Variants in SGCZ observed in about 807,000 individuals in gnomAD.
The protein encoded by SGCZ is sarcoglycan zeta.
A neutral mutation model predicts 41.3 loss-of-function variants in SGCZ; 40 were observed. The ratio of observed to expected loss-of-function variants is 0.97; its 90% confidence interval spans 0.75 to 1.26. SGCZ has a LOEUF of 1.26. Ranked by LOEUF, SGCZ falls within the 50% of genes most tolerant of loss-of-function variation. The pLI is 0.00. For missense variants in SGCZ, 552 were observed against 369.8 expected (o/e 1.49, Z -4.04); for synonymous variants, 206 against 137.5 (o/e 1.50, Z -3.49).
chr8:14,105,022 G>A (rs1340474153), intron 6 of SGCZ, among the ~76,000 whole-genome samples: 1 of 152,036 alleles, frequency 6.6e-6, no homozygotes, highest in Non-Finnish European at 1.5e-5. Context: ...TCTTCAAACT[G>A]TAGTAACTTA....
chr8:14,476,214 A>T (rs1801355611), intron 2 of SGCZ, among the ~76,000 whole-genome samples: 1 of 152,138 alleles, frequency 6.6e-6, no homozygotes, highest in South Asian at 2.1e-4. Context: ...TCTGTAGTCA[A>T]GAATCAGGAG....
intron 1 of SGCZ, among the ~76,000 whole-genome samples, chr8:14,619,793 A>T (rs1415102440): frequency 6.6e-6 from 1 of 152,216 alleles, no homozygotes; most frequent in Non-Finnish European, 1.5e-5. Flanking sequence ...ATAAAAGAGG[A>T]CACAAACAAA....
chr8:14,227,336 T>G (rs1806407938), intron 4 of SGCZ, among the ~76,000 whole-genome samples: 1 of 152,222 alleles, frequency 6.6e-6, no homozygotes. Context: ...TTCTAATTCC[T>G]TTGGGAAGGG....
intron 1 of SGCZ, among the ~76,000 whole-genome samples, chr8:14,947,584 A>T (rs1800494118): frequency 1.3e-5 from 2 of 152,282 alleles, no homozygotes; most frequent in South Asian, 2.1e-4. Context: ...TAAAACTTGT[A>T]TACTTCCGTT....
At chr8:14,435,273 TCTC>T (rs1016484456) in intron 2 of SGCZ, among the ~76,000 whole-genome samples, 6 of 152,170 alleles carry the variant, frequency 3.9e-5, no homozygotes, top group Non-Finnish European at 5.9e-5. Context: ...ATGTTCAACA[TCTC>T]CTCACTCCTT....
At chr8:14,321,615 G>A (rs899659528) in intron 3 of SGCZ, among the ~76,000 whole-genome samples, 1 of 152,026 alleles carries the variant, frequency 6.6e-6, no homozygotes. Flanking sequence ...CAACAGCATG[G>A]CATTAATAGA....
At chr8:14,216,475 A>G (rs1805997415) in intron 4 of SGCZ, among the ~76,000 whole-genome samples, 1 of 152,188 alleles carries the variant, frequency 6.6e-6, no homozygotes, top group Admixed American at 6.5e-5. Context: ...CAAACTTCCT[A>G]GAGTCCAACA....
chr8:14,507,797 G>A (rs531998414), intron 2 of SGCZ, among the ~76,000 whole-genome samples: 3 of 146,122 alleles, frequency 2.1e-5, no homozygotes, highest in Admixed American at 6.8e-5. Flanking sequence ...TCGAGATGGA[G>A]TTTCGTTCTT....
rs143826082 is a variant in SGCZ at position 14,362,614 on chromosome 8, G to C, written c.235-38410C>G. 5.6e-3 allele frequency among the ~76,000 whole-genome samples: 843 copies of C among 149,638 alleles called. 7 individuals carry two copies. Among genetic ancestry groups the C allele is most frequent in the African/African-American group, 0.017 (700 of 41,426 alleles). On this transcript the variant is annotated intron_variant, in intron 2 of 7. Coordinates refer to ENST00000382080, the MANE Select transcript of SGCZ (RefSeq NM_139167.4). Reference sequence around the variant, plus strand: ...GTACAGTCTGTCACAGCTTCCCTTGGGTAGGAAAGGGAAATCCCCAGACCC... The same window carrying C: ...GTACAGTCTGTCACAGCTTCCCTTGCGTAGGAAAGGGAAATCCCCAGACCC...
intron 5 of SGCZ, among the ~76,000 whole-genome samples, chr8:14,110,891 T>C (rs568201495): frequency 7.7e-4 from 117 of 152,094 alleles, no homozygotes; most frequent in South Asian, 2.9e-3. Flanking sequence ...CTCTCCTCTC[T>C]ACTAAAAATA....
At chr8:14,929,238 G>A (rs942373570) in intron 1 of SGCZ, among the ~76,000 whole-genome samples, 3 of 152,022 alleles carry the variant, frequency 2.0e-5, no homozygotes, top group Non-Finnish European at 4.4e-5. Flanking sequence ...TGATCCACCC[G>A]CCTCGGCCTC....
chr8:14,651,688 G>C (rs1164363591), intron 1 of SGCZ, among the ~76,000 whole-genome samples: 1 of 151,780 alleles, frequency 6.6e-6, no homozygotes, highest in African/African-American at 2.4e-5. Flanking sequence ...TTCTCTTCTT[G>C]AGACTTAAAA....
chr8:15,117,077 G>A (rs1807295616), intron 1 of SGCZ, among the ~76,000 whole-genome samples: 1 of 152,146 alleles, frequency 6.6e-6, no homozygotes, highest in Non-Finnish European at 1.5e-5. Flanking sequence ...TCACTTATAA[G>A]TATAAATGTA....
intron 2 of SGCZ, among the ~76,000 whole-genome samples, chr8:14,365,973 T>C (rs34067440): frequency 0.19 from 29,494 of 152,122 alleles, 3,594 homozygotes; most frequent in Non-Finnish European, 0.28. Context: ...CCTATTTCTG[T>C]CTTTGTTATT....
rs184548611 is a variant in SGCZ at position 15,141,259 on chromosome 8, G to A, written c.39+96326C>T. On this transcript the variant is annotated intron_variant, in intron 1 of 7. Transcript: ENST00000382080. ...CCAGGGACTGGTGGTAGGGGTTGTG[G>A]ATTCAAACCCACTGCAGTCTGATGA... Among the ~76,000 whole-genome samples the A allele has an allele frequency of 5.5e-3, 831 of 152,270 alleles. 5 individuals are homozygous for A. Among genetic ancestry groups the A allele is most frequent in the Non-Finnish European group, 9.5e-3 (647 of 68,014 alleles).
chr8:14,163,103 TTCTC>T (rs1804096257), intron 5 of SGCZ, among the ~76,000 whole-genome samples: 1 of 152,166 alleles, frequency 6.6e-6, no homozygotes, highest in African/African-American at 2.4e-5. Flanking sequence ...AACCAAGCGA[TTCTC>T]TCACCTCTGT....
chr8:14,559,000 A>G (rs985718051), intron 1 of SGCZ, among the ~76,000 whole-genome samples: 1 of 152,122 alleles, frequency 6.6e-6, no homozygotes, highest in Non-Finnish European at 1.5e-5. Flanking sequence ...AAAGCCATCT[A>G]TGACAAACCC....
At chr8:15,192,210 T>C (rs111478916) in intron 1 of SGCZ, among the ~76,000 whole-genome samples, 138 of 152,136 alleles carry the variant, frequency 9.1e-4, no homozygotes, top group African/African-American at 3.1e-3. Context: ...CCTGTGTAGA[T>C]AGTTGCCCTG....
chr8:14,393,436 TG>T, intron 2 of SGCZ, among the ~76,000 whole-genome samples: 1 of 152,268 alleles, frequency 6.6e-6, no homozygotes, highest in Admixed American at 6.5e-5. Context: ...AAAATGGCGC[TG>T]ATCAACTGGA....
Sources: allele counts gnomAD v4.1 joint callset (sites outside exome capture counted in the v4.1 genomes callset), GRCh38; gene constraint gnomAD v4.1.1; transcripts MANE v1.5; gene names NCBI Gene and HGNC (gene_info 2026-07-23, HGNC 2026-07-21).